Variants in PRUNE2 observed in about 807,000 individuals in gnomAD.
The protein encoded by PRUNE2 is prune homolog 2 with BCH domain, also known as protein prune homolog 2.
In PRUNE2, 164 loss-of-function variants were observed where a neutral mutation model predicts 252.0. The observed-to-expected ratio is 0.65, with a 90% CI of 0.57 to 0.74. The LOEUF (loss-of-function observed/expected upper bound fraction) is 0.74, where lower values mean the gene tolerates loss of function less well. Ranked by LOEUF, PRUNE2 falls within the 30% of genes least tolerant of loss-of-function variation. The pLI, the probability that PRUNE2 is intolerant of heterozygous loss-of-function variation, is 0.00. For missense variants in PRUNE2, 3,495 were observed against 3,711.0 expected (o/e 0.94, Z 1.51); for synonymous variants, 1,292 against 1,350.2 (o/e 0.96, Z 0.94).
chr9:76,801,162 A>G (rs2056523277), intron 6 of PRUNE2, among the ~76,000 whole-genome samples: 2 of 152,260 alleles, frequency 1.3e-5, no homozygotes, highest in Non-Finnish European at 2.9e-5. Context: ...TCTAACAAAT[A>G]TTTTAATTGA....
At chr9:76,629,021 T>G (rs1383849588) in intron 16 of PRUNE2, among the ~76,000 whole-genome samples, 171 bp downstream of exon 16, 1 of 152,086 alleles carries the variant, frequency 6.6e-6, no homozygotes, top group Non-Finnish European at 1.5e-5. Flanking sequence ...TTTTTATATA[T>G]TTAGTAGGAA....
intron 10 of PRUNE2, among the ~76,000 whole-genome samples, chr9:76,654,537 G>A (rs1478935824): frequency 1.3e-5 from 2 of 152,214 alleles, no homozygotes; most frequent in Non-Finnish European, 2.9e-5. Context: ...CACTTGAAAT[G>A]AGGCTAGTGC....
chr9:76,819,885 G>A (rs1008383345), intron 6 of PRUNE2, among the ~76,000 whole-genome samples: 1 of 152,102 alleles, frequency 6.6e-6, no homozygotes, highest in Admixed American at 6.6e-5. Flanking sequence ...AGTAAACTAG[G>A]CCCAAGAAGT....
At chr9:76,655,637 C>T (rs1363458962) in intron 9 of PRUNE2, 135 bp from the exon 10 acceptor site, 3 of 650,664 alleles carry the variant, frequency 4.6e-6, no homozygotes, top group Non-Finnish European at 8.3e-6. Flanking sequence ...ACTGAATCCA[C>T]TGTAAGTGGT....
intron 6 of PRUNE2, among the ~76,000 whole-genome samples, chr9:76,806,403 C>A (rs536618210): frequency 6.6e-6 from 1 of 152,188 alleles, no homozygotes; most frequent in East Asian, 1.9e-4. Flanking sequence ...TGCAGAAAGA[C>A]TCTAAGGTTT....
intron 6 of PRUNE2, chr9:76,809,000 C>G (rs1230626882): frequency 6.6e-6 from 1 of 152,298 alleles, no homozygotes; most frequent in Non-Finnish European, 1.5e-5. Flanking sequence ...TCTCTCCTCC[C>G]TCCTAGTTCA....
chr9:76,772,777 T>C (rs1405753656), intron 6 of PRUNE2, among the ~76,000 whole-genome samples: 1 of 152,144 alleles, frequency 6.6e-6, no homozygotes, highest in East Asian at 1.9e-4. Flanking sequence ...TTGCCCAGGC[T>C]GGTCTCAAAC....
rs2057293486 is a variant in PRUNE2, at chr9:76,810,616, A to T, written c.756+13016T>A. 3.3e-5 allele frequency among the ~76,000 whole-genome samples: 5 copies of T among 152,244 alleles called. No individual in the cohort carries two copies. In the South Asian group the frequency reaches 1.0e-3, roughly 31 times the overall value. ...CACAGCCATCCTTAGCAATCATGTC[A>T]ATTAAGCAACAGTAAAAGAGATGTC... On this transcript the variant is annotated intron_variant, in intron 6 of 18. Transcript: ENST00000376718.
At chr9:76,776,420 A>G (rs150073103) in intron 6 of PRUNE2, among the ~76,000 whole-genome samples, 503 of 152,090 alleles carry the variant, frequency 3.3e-3, no homozygotes, top group Non-Finnish European at 5.9e-3. Context: ...TATTTCACAT[A>G]GGATAATGAT....
In PRUNE2 at chr9:76,707,751, T is replaced by G. The variant is rs748501047; in HGVS notation, c.4523A>C (p.Glu1508Ala). The stretch of plus-strand genomic sequence containing the variant: ...CTTAACGTCAAGATTTTTGGTTATC[T>G]CAGAACATGTGCTGCTGACATGCAC... ...SDVHVSSTCS[E>A]ITKNLDVKGS... Residue 1508 changes from glutamate (E) to alanine (A), a missense_variant, in exon 8 of 19, where the codon GAG becomes GCG. By Grantham distance (107) the Glu-to-Ala change is moderately radical (BLOSUM62 -1). Coordinates refer to ENST00000376718, the MANE Select transcript of PRUNE2 (RefSeq NM_015225.3). 2 of 1,613,778 alleles carry G rather than the reference T, an allele frequency of 1.2e-6. No homozygotes were observed. Among genetic ancestry groups the G allele is most frequent in the Admixed American group, 1.7e-5 (1 of 60,006 alleles).
In PRUNE2 at chr9:76,897,198, AACTT is replaced by A. The variant is rs1246603808; in HGVS notation, c.36+8726_36+8729del. ...TGAACAATATATGTGCAATTTCACT[AACTT>A]ACCACTCAGCCCTCCTATAAACTTG... On this transcript the variant is annotated intron_variant, in intron 1 of 18. Transcript: ENST00000376718. Among the ~76,000 whole-genome samples, 4 of 152,140 alleles carry A rather than the reference AACTT, an allele frequency of 2.6e-5. No homozygotes were observed. The East Asian group carries it at 5.8e-4, about 22-fold the overall frequency.
At chr9:76,904,288 T>C (rs549518243) in intron 1 of PRUNE2, among the ~76,000 whole-genome samples, 79 of 152,246 alleles carry the variant, frequency 5.2e-4, no homozygotes, top group African/African-American at 1.9e-3. Flanking sequence ...GTAAATAAAT[T>C]ACAGATTACT....
chr9:76,643,160 C>T (rs1320363015), intron 12 of PRUNE2, among the ~76,000 whole-genome samples: 1 of 152,056 alleles, frequency 6.6e-6, no homozygotes, highest in Non-Finnish European at 1.5e-5. Flanking sequence ...CAGACAACAG[C>T]CCACCTAAAG....
At chr9:76,790,760 C>T (rs1329744821) in intron 6 of PRUNE2, among the ~76,000 whole-genome samples, 1 of 152,168 alleles carries the variant, frequency 6.6e-6, no homozygotes, top group Non-Finnish European at 1.5e-5. Flanking sequence ...TGGCAAATAT[C>T]AGATTGAGAC....
Position 76,706,714 on chromosome 9 carries a change from C to T in PRUNE2, c.5560G>A (p.Val1854Met), listed in dbSNP as rs1438090094. The T allele has an allele frequency of 6.2e-7, 1 of 1,613,364 alleles. No homozygotes were observed. The highest frequency in any genetic ancestry group is 8.5e-7 in the Non-Finnish European group (1 of 1,179,608). The change falls in exon 8 of 19, where the codon GTG becomes ATG. Residue 1854 changes from valine (V) to methionine (M), a missense_variant. Physicochemically the swap from Val to Met is conservative, Grantham distance 21. Coordinates refer to ENST00000376718, the MANE Select transcript of PRUNE2 (RefSeq NM_015225.3). ...FERELSDSSG[V>M]LEINSSVHQN... ...TGTACTGAAGAATTTATCTCCAACA[C>T]ACCACTGGAGTCAGACAGCTCCCTT...
rs1181653779 is a variant in PRUNE2 at position 76,711,294 on chromosome 9, C to T, written c.980G>A (p.Cys327Tyr). 6.2e-7 allele frequency: 1 copy of T among 1,613,878 alleles called. No individual in the cohort carries two copies. Among genetic ancestry groups the T allele is most frequent in the South Asian group, 1.1e-5 (1 of 91,050 alleles). ...CLELEPFDCG[C>Y]DEILVYQQED... ...TTGTTGGTACACCAGGATCTCATCA[C>T]AGCCACAGTCAAAGGGCTCCAGTTC... Residue 327 changes from cysteine (C) to tyrosine (Y), a missense_variant, in exon 8 of 19, where the codon TGT becomes TAT. Cys to Tyr is a radical substitution (Grantham distance 194, BLOSUM62 -2). Coordinates refer to ENST00000376718, the MANE Select transcript of PRUNE2 (RefSeq NM_015225.3).
intron 6 of PRUNE2, among the ~76,000 whole-genome samples, chr9:76,820,339 A>G (rs781558984): frequency 6.6e-6 from 1 of 152,248 alleles, no homozygotes; most frequent in Non-Finnish European, 1.5e-5. Flanking sequence ...AACTACAATA[A>G]AAATGAGAGA....
chr9:76,851,363 C>T (rs544040997), intron 2 of PRUNE2, among the ~76,000 whole-genome samples: 40 of 152,172 alleles, frequency 2.6e-4, no homozygotes, highest in African/African-American at 8.7e-4. Context: ...CTGGCTAACA[C>T]GGTGAAACCC....
In PRUNE2 at chr9:76,854,203, T is replaced by C; in HGVS notation, c.42A>G (p.Arg14=). 1 of 1,577,304 alleles carries C rather than the reference T, an allele frequency of 6.3e-7. No individual in the cohort carries two copies. The highest frequency in any genetic ancestry group is 8.7e-7 in the Non-Finnish European group (1 of 1,155,604). The part of the protein sequence containing the change: ...FLQRAKSKLN[R]SKRLEKVHVV... ...CATGGACCTTCTCCAAGCGTTTGCT[T>C]CGATTCTGAAACAAATTCAAAGGAA... Residue 14 remains arginine (R), a synonymous_variant, in exon 2 of 19, where the codon CGA becomes CGG. Coordinates refer to ENST00000376718, the MANE Select transcript of PRUNE2 (RefSeq NM_015225.3).
Sources: gnomAD v4.1 joint callset for allele counts (sites outside exome capture counted in the v4.1 genomes callset) on GRCh38, gnomAD v4.1.1 for gene constraint, MANE v1.5 for transcripts, NCBI Gene and HGNC (gene_info 2026-07-23, HGNC 2026-07-21) for gene names.